Variants in DDR2 observed in about 807,000 individuals in gnomAD.
DDR2 encodes discoidin domain receptor tyrosine kinase 2.
A neutral mutation model predicts 94.9 loss-of-function variants in DDR2; 27 were observed. The ratio of observed to expected loss-of-function variants is 0.28; its 90% CI spans 0.21 to 0.39. DDR2 has a LOEUF of 0.39. Ranked by LOEUF, DDR2 falls within the 10% of genes least tolerant of loss-of-function variation. DDR2 has a pLI of 1.00. For missense variants in DDR2, 783 were observed against 1,076.0 expected (o/e 0.73, Z 3.81); for synonymous variants, 382 against 377.2 (o/e 1.01, Z -0.15).
At chr1:162,631,336 G>A (rs1356166681), upstream of DDR2, 1 of 151,790 alleles carries the variant, frequency 6.6e-6, no homozygotes, top group Admixed American at 6.6e-5. Context: ...TTCTTTTCTT[G>A]CTCATCTTGG....
intron 2 of DDR2, among the ~76,000 whole-genome samples, chr1:162,691,669 A>G (rs1345589692): frequency 1.3e-5 from 2 of 152,200 alleles, no homozygotes; most frequent in African/African-American, 4.8e-5. Context: ...ATTTCCATTG[A>G]GTAAATACTC....
chr1:162,753,288 G>A (rs1663303469), intron 4 of DDR2, 91 bp downstream of exon 4: 1 of 1,176,296 alleles, frequency 8.5e-7, no homozygotes, highest in Non-Finnish European at 1.3e-6. Context: ...GGGGAAGGTG[G>A]TGTTATTGGC....
At chr1:162,665,687 C>T (rs1489417050) in intron 2 of DDR2, among the ~76,000 whole-genome samples, 1 of 151,798 alleles carries the variant, frequency 6.6e-6, no homozygotes, top group Non-Finnish European at 1.5e-5. Flanking sequence ...AAAAAACCTA[C>T]TTAAGTGAGC....
At chr1:162,636,078 A>G (rs1571123706) in intron 1 of DDR2, among the ~76,000 whole-genome samples, 2 of 152,176 alleles carry the variant, frequency 1.3e-5, no homozygotes, top group South Asian at 4.1e-4. Flanking sequence ...ATATTTGTAT[A>G]TGTTTAAATG....
chr1:162,699,837 A>G (rs113356392), intron 2 of DDR2, among the ~76,000 whole-genome samples: 21 of 152,328 alleles, frequency 1.4e-4, no homozygotes, highest in African/African-American at 4.8e-4. Context: ...CTACAGTAAA[A>G]TTCTTAGACA....
At chr1:162,729,815 C>T (rs893492329) in intron 3 of DDR2, among the ~76,000 whole-genome samples, 1 of 151,836 alleles carries the variant, frequency 6.6e-6, no homozygotes, top group African/African-American at 2.4e-5. Flanking sequence ...GCAATCTCGG[C>T]TCACTGCAAC....
intron 2 of DDR2, among the ~76,000 whole-genome samples, chr1:162,698,631 C>T (rs1168039788): frequency 6.6e-6 from 1 of 152,168 alleles, no homozygotes; most frequent in East Asian, 1.9e-4. Flanking sequence ...TCTCCCCTAA[C>T]TCCTGCTGTG....
chr1:162,712,222 G>A (rs1014583672), intron 2 of DDR2, among the ~76,000 whole-genome samples: 3 of 147,560 alleles, frequency 2.0e-5, no homozygotes, highest in Non-Finnish European at 4.5e-5. Context: ...ACATATTCCT[G>A]GCTCATCCAT....
intron 3 of DDR2, chr1:162,741,712 G>T: frequency 2.0e-6 from 2 of 985,346 alleles, no homozygotes; most frequent in Non-Finnish European, 2.4e-6. Flanking sequence ...AGTCACAAAG[G>T]GTAAGTGAAG....
At chr1:162,648,980 C>T (rs1285629676) in intron 1 of DDR2, among the ~76,000 whole-genome samples, 1 of 152,040 alleles carries the variant, frequency 6.6e-6, no homozygotes, top group East Asian at 1.9e-4. Flanking sequence ...GCTTCTCTTT[C>T]CCATCTCTCA....
At chr1:162,766,650 A>G (rs868138559) in intron 10 of DDR2, among the ~76,000 whole-genome samples, 1 of 152,166 alleles carries the variant, frequency 6.6e-6, no homozygotes, top group South Asian at 2.1e-4. Flanking sequence ...AAATTTTGGG[A>G]AGAATAGAAA....
intron 11 of DDR2, 135 bp from the exon 12 acceptor site, chr1:162,770,167 G>A: frequency 1.2e-6 from 1 of 849,138 alleles, no homozygotes; most frequent in East Asian, 2.4e-5. Flanking sequence ...TGCATTCCTA[G>A]CACGTGCAGT....
intron 2 of DDR2, among the ~76,000 whole-genome samples, chr1:162,676,134 G>A (rs543151537): frequency 1.9e-4 from 28 of 150,764 alleles, no homozygotes; most frequent in East Asian, 1.4e-3. Flanking sequence ...GCATTGGAAC[G>A]TGTGTGTGTT....
intron 3 of DDR2, among the ~76,000 whole-genome samples, chr1:162,749,246 G>C (rs933725063): frequency 2.0e-5 from 3 of 152,208 alleles, no homozygotes; most frequent in Non-Finnish European, 2.9e-5. Flanking sequence ...CAACAAAATT[G>C]ATAGACCGCT....
At chr1:162,772,277 T>G (rs1200547814) in intron 13 of DDR2, 30 bp downstream of exon 13, 1 of 1,608,606 alleles carries the variant, frequency 6.2e-7, no homozygotes, top group East Asian at 2.2e-5. Flanking sequence ...CCCTTATAGC[T>G]CGAAGAAGGT....
chr1:162,645,424 A>G (rs1657358951), intron 1 of DDR2, among the ~76,000 whole-genome samples: 1 of 152,222 alleles, frequency 6.6e-6, no homozygotes, highest in African/African-American at 2.4e-5. Context: ...GAAATCAACT[A>G]TATCTGAGCA....
intron 2 of DDR2, among the ~76,000 whole-genome samples, chr1:162,688,470 C>T (rs1659798622): frequency 6.6e-6 from 1 of 152,156 alleles, no homozygotes; most frequent in Non-Finnish European, 1.5e-5. Context: ...AGTGTTTCAG[C>T]CCAGGTAAAT....
Position 162,782,272 on chromosome 1 carries a change from T to G in DDR2, c.*2026T>G, listed in dbSNP as rs183748853. On this transcript the variant is annotated 3_prime_UTR_variant, in exon 18 of 18. Coordinates refer to ENST00000367921, the MANE Select transcript of DDR2 (RefSeq NM_006182.4). ...ATTAAATGGTTTTGAGGTCCTTTCT[T>G]GTTCTGATATGTCCAGTACTCACTG... 2.3e-3 allele frequency: 344 copies of G among 152,368 alleles called. 2 individuals are homozygous for G. The highest frequency in any genetic ancestry group is 8.1e-3 in the African/African-American group (336 of 41,576). 9.4% of individuals were successfully genotyped at this position (152,368 alleles called of 1,614,324 possible).
At chr1:162,674,322 G>A (rs1412817353) in intron 2 of DDR2, among the ~76,000 whole-genome samples, 1 of 152,160 alleles carries the variant, frequency 6.6e-6, no homozygotes, top group African/African-American at 2.4e-5. Context: ...CAATCCCAAT[G>A]CAGAGTGTTC....
Sources: gnomAD v4.1 joint callset for allele counts (sites outside exome capture counted in the v4.1 genomes callset) on GRCh38, gnomAD v4.1.1 for gene constraint, MANE v1.5 for transcripts, NCBI Gene and HGNC (gene_info 2026-07-23, HGNC 2026-07-21) for gene names.